FAM149A: variants seen among roughly 807,000 people sequenced by gnomAD.
FAM149A encodes family with sequence similarity 149 member A.
FAM149A carries 71 observed loss-of-function variants against 78.2 expected under a neutral mutation model. The observed-to-expected ratio is 0.91, with a 90% CI of 0.75 to 1.11. The LOEUF (loss-of-function observed/expected upper bound fraction) is 1.11, where lower values mean the gene tolerates loss of function less well. Ranked by LOEUF, FAM149A falls within the 50% of genes least tolerant of loss-of-function variation. FAM149A has a pLI of 0.00. For synonymous variants in FAM149A, 446 were observed against 410.5 expected, an observed-to-expected ratio of 1.09 and a Z score of -1.04; for missense variants, 1,036 against 971.0, an observed-to-expected ratio of 1.07 and a Z score of -0.89.
Position 186,136,996 on chromosome 4 carries a change from C to T in FAM149A, c.567-12177C>T, listed in dbSNP as rs918744145. On this transcript the variant is annotated intron_variant, in intron 1 of 13. Coordinates refer to ENST00000389354, the MANE Select transcript of FAM149A (RefSeq NM_001367768.3). ...TCTCTTTCTCTCTCTCTCTCTCTCT[C>T]TCTCTCTCTCTCTCTCTCTCTCTAA... 1.4e-3 allele frequency among the ~76,000 whole-genome samples: 193 copies of T among 139,090 alleles called. 1 individual carries two copies. The highest frequency in any genetic ancestry group is 3.7e-3 in the Middle Eastern group (1 of 270). The allele number at this position is 139,090 out of a possible 152,430, so 91.2% of individuals were successfully genotyped here.
At chr4:186,150,450 C>A (rs531327019) in intron 3 of FAM149A, among the ~76,000 whole-genome samples, 4 of 106,616 alleles carry the variant, frequency 3.8e-5, no homozygotes, top group African/African-American at 1.4e-4. Context: ...GACGGAGTCT[C>A]GCTCTGTCGC....
At chr4:186,153,284 T>C (rs1285489395) in intron 4 of FAM149A, 1 of 946,338 alleles carries the variant, frequency 1.1e-6, no homozygotes, top group Non-Finnish European at 1.3e-6. Flanking sequence ...TAACTGTGTA[T>C]TAGTTAATAT....
At chr4:186,126,682 A>AC (rs942135984) in intron 1 of FAM149A, among the ~76,000 whole-genome samples, 3 of 151,642 alleles carry the variant, frequency 2.0e-5, no homozygotes, top group African/African-American at 4.9e-5. Flanking sequence ...CACCCCATTG[A>AC]CCCCCCTGGT....
chr4:186,165,342 A>G lies in FAM149A; in HGVS notation c.1890-2A>G, dbSNP rs2126538754. 6.2e-7 allele frequency: 1 copy of G among 1,614,202 alleles called. No individual in the cohort carries two copies. ...GCTCAGTGACATGATGATGTGTTGC[A>G]GGCCGACTGGCGTGGACCACATGGC... is the stretch of plus-strand genomic sequence containing the variant. On this transcript the variant is annotated splice_acceptor_variant, in intron 10 of 13. Transcript: ENST00000389354. LOFTEE classifies it high-confidence loss of function.
At chr4:186,128,947 CTA>C (rs1468632693) in intron 1 of FAM149A, among the ~76,000 whole-genome samples, 1 of 150,822 alleles carries the variant, frequency 6.6e-6, no homozygotes, top group Non-Finnish European at 1.5e-5. Context: ...ATCTCTGTGT[CTA>C]TGAGTATCTG....
chr4:186,154,695 T>C, intron 6 of FAM149A, 57 bp downstream of exon 6: 1 of 1,523,014 alleles, frequency 6.6e-7, no homozygotes, highest in Non-Finnish European at 8.8e-7. Flanking sequence ...TTATTTGACA[T>C]TTATTGTTAT....
At chr4:186,159,419 G>A (rs570496890) in intron 8 of FAM149A, among the ~76,000 whole-genome samples, 4 of 152,166 alleles carry the variant, frequency 2.6e-5, no homozygotes, top group East Asian at 1.9e-4. Flanking sequence ...AAGCAAAGGC[G>A]TGGATGAGTA....
intron 1 of FAM149A, chr4:186,125,255 C>T: frequency 1.0e-6 from 1 of 985,308 alleles, no homozygotes; most frequent in Non-Finnish European, 1.2e-6. Context: ...GCAGTTCAGG[C>T]CCTCAGCTTG....
intron 1 of FAM149A, chr4:186,109,295 C>G (rs928636489): frequency 1.2e-5 from 9 of 759,006 alleles, no homozygotes; most frequent in Middle Eastern, 6.6e-4. Context: ...TAGTTATTAG[C>G]AAGCATATAT....
At chr4:186,169,791 TAACTC>T in intron 13 of FAM149A, 1 of 985,414 alleles carries the variant, frequency 1.0e-6, no homozygotes, top group Non-Finnish European at 1.2e-6. Context: ...TATGGCCACT[TAACTC>T]ATGTAGGACC....
chr4:186,111,068 CTT>C (rs2099311071), intron 1 of FAM149A, among the ~76,000 whole-genome samples: 1 of 134,748 alleles, frequency 7.4e-6, no homozygotes, highest in Non-Finnish European at 1.6e-5. Flanking sequence ...TGTTTCCTGA[CTT>C]TTTAATGATT....
chr4:186,146,623 C>A, intron 1 of FAM149A: 1 of 765,648 alleles, frequency 1.3e-6, no homozygotes, highest in Non-Finnish European at 1.6e-6. Context: ...TTCAAAGTTG[C>A]ACAAAAGCAG....
chr4:186,165,588 G>A (rs1439756695), intron 11 of FAM149A, 124 bp downstream of exon 11: 4 of 913,590 alleles, frequency 4.4e-6, no homozygotes, highest in East Asian at 2.6e-5. Context: ...GTATTCAAAT[G>A]CCTTCATAAT....
intron 1 of FAM149A, chr4:186,117,350 T>G: frequency 1.2e-6 from 1 of 815,012 alleles, no homozygotes; most frequent in Non-Finnish European, 1.5e-6. Flanking sequence ...TTTTGAGTAA[T>G]TAGGGAAAGA....
intron 11 of FAM149A, among the ~76,000 whole-genome samples, chr4:186,166,607 C>T (rs1275677850): frequency 2.8e-5 from 4 of 144,594 alleles, no homozygotes; most frequent in East Asian, 2.1e-4. Flanking sequence ...GCCGCGATCA[C>T]GCCATTGCAC....
intron 4 of FAM149A, 65 bp from the exon 5 acceptor site, chr4:186,153,580 A>G: frequency 6.4e-7 from 1 of 1,565,964 alleles, no homozygotes; most frequent in Non-Finnish European, 8.7e-7. Flanking sequence ...TCCTACTTTT[A>G]AAATCTCCAA....
intron 1 of FAM149A, chr4:186,127,558 A>G (rs1296935100): frequency 1.0e-6 from 1 of 985,322 alleles, no homozygotes; most frequent in African/African-American, 1.7e-5. Context: ...TCAGAGGATG[A>G]CATGTCCATG....
chr4:186,163,876 A>G (rs927937856), intron 10 of FAM149A, among the ~76,000 whole-genome samples: 4 of 152,110 alleles, frequency 2.6e-5, no homozygotes, highest in African/African-American at 9.7e-5. Context: ...ATGCTGGGGG[A>G]CCTTGGGTGG....
chr4:186,163,650 T>C lies in FAM149A; in HGVS notation c.1889+17T>C, dbSNP rs1383314764. ...AACAAAACTGTGAGTCTCATTTCTT[T>C]CATAGTAAACTAAAGGCCACGGAGG... is the stretch of plus-strand genomic sequence containing the variant. On this transcript the variant is annotated intron_variant, in intron 10 of 13. Transcript: ENST00000389354. 6.2e-7 allele frequency: 1 copy of C among 1,601,852 alleles called. No homozygotes were observed. The highest frequency in any genetic ancestry group is 2.2e-5 in the East Asian group (1 of 44,802).
Sources: gnomAD v4.1 joint callset for allele counts (sites outside exome capture counted in the v4.1 genomes callset) on GRCh38, gnomAD v4.1.1 for gene constraint, MANE v1.5 for transcripts, NCBI Gene and HGNC (gene_info 2026-07-23, HGNC 2026-07-21) for gene names.